The following EPM2A variants were observed in gnomAD, a reference collection of about 807,000 sequenced individuals.
EPM2A encodes the protein EPM2A glucan phosphatase, laforin.
Under a neutral mutation model 26.5 loss-of-function variants are expected in EPM2A, and 21 were observed. That is an observed-to-expected ratio of 0.79 (90% CI 0.56 to 1.14). The LOEUF is 1.14. Among genes scored for constraint, EPM2A ranks in the 50% most tolerant of loss-of-function variants. EPM2A has a pLI of 0.00. For missense variants in EPM2A, 458 were observed against 440.8 expected, an observed-to-expected ratio of 1.04 and a Z score of -0.35; for synonymous variants, 217 against 177.6, an observed-to-expected ratio of 1.22 and a Z score of -1.76.
intron 2 of EPM2A, among the ~76,000 whole-genome samples, chr6:145,528,785 G>T (rs920889170): frequency 6.6e-6 from 1 of 152,044 alleles, no homozygotes; most frequent in African/African-American, 2.4e-5. Context: ...ATCTCATAGA[G>T]CTATAGTTGC....
In EPM2A at chr6:145,645,584, G is replaced by C. The variant is rs192199217; in HGVS notation, c.477-10098C>G. ...CCTCGAAGGTCACTGGGATTACAGG[G>C]ATAAGCCACCATCCTGGCAAACTTT... On this transcript the variant is annotated intron_variant, in intron 2 of 3. Transcript: ENST00000367519. Among the ~76,000 whole-genome samples the C allele has an allele frequency of 6.7e-4, 102 of 152,012 alleles. 1 individual carries two copies. The highest frequency in any genetic ancestry group is 1.6e-4 in the Non-Finnish European group (11 of 67,970).
chr6:145,483,878 G>C (rs930616536), intron 4 of EPM2A, among the ~76,000 whole-genome samples: 2 of 152,126 alleles, frequency 1.3e-5, no homozygotes, highest in Non-Finnish European at 2.9e-5. Flanking sequence ...CTCACTGGAG[G>C]CTTGCCTCAC....
chr6:145,681,012 T>C (rs1378664221), intron 2 of EPM2A, among the ~76,000 whole-genome samples: 1 of 152,022 alleles, frequency 6.6e-6, no homozygotes, highest in Non-Finnish European at 1.5e-5. Context: ...CCACCAACAG[T>C]GTAAAAGTGT....
In EPM2A at chr6:145,625,886, C is replaced by T; in HGVS notation, c.*1530G>A. On this transcript the variant is annotated 3_prime_UTR_variant, in exon 4 of 4. Transcript: ENST00000367519. Reference sequence around the variant, plus strand: ...TGTGTTTGTGGAAGAAAGGAAGGTGCAGAAAAATAAATACGCATCATAGTT... The same window carrying T: ...TGTGTTTGTGGAAGAAAGGAAGGTGTAGAAAAATAAATACGCATCATAGTT... 1 of 1,475,738 alleles carries T rather than the reference C, an allele frequency of 6.8e-7. No homozygotes were observed. The highest frequency in any genetic ancestry group is 9.0e-7 in the Non-Finnish European group (1 of 1,112,168). 91.4% of individuals were successfully genotyped at this position (1,475,738 alleles called of 1,614,324 possible).
chr6:145,609,604 G>C (rs1775346325), intron 2 of EPM2A, among the ~76,000 whole-genome samples: 1 of 152,058 alleles, frequency 6.6e-6, no homozygotes, highest in African/African-American at 2.4e-5. Context: ...CATTCCATTT[G>C]ACTTCAGACA....
At chr6:145,423,391 A>G (rs375182323) in intron 4 of EPM2A, among the ~76,000 whole-genome samples, 11 of 152,174 alleles carry the variant, frequency 7.2e-5, no homozygotes, top group African/African-American at 2.7e-4. Context: ...CTTTCCACCC[A>G]GATGTGGTGG....
intron 2 of EPM2A, among the ~76,000 whole-genome samples, chr6:145,599,789 T>C (rs1316320588): frequency 6.6e-6 from 1 of 152,202 alleles, no homozygotes; most frequent in East Asian, 1.9e-4. Context: ...TAAATTTCTT[T>C]TTAATGGATC....
intron 3 of EPM2A, chr6:145,631,722 G>A (rs1038848013): frequency 2.6e-5 from 4 of 152,386 alleles, no homozygotes; most frequent in Admixed American, 2.6e-4. Context: ...GAGAGGTAGA[G>A]CATTTGGGCA....
intron 4 of EPM2A, among the ~76,000 whole-genome samples, chr6:145,396,952 C>T (rs1778413240): frequency 6.6e-6 from 1 of 152,180 alleles, no homozygotes; most frequent in Non-Finnish European, 1.5e-5. Context: ...CCTGGCCAAT[C>T]CCACAGCACT....
At position 145,649,586 on chromosome 6, in the gene EPM2A, G is replaced by C. The variant is rs111690206; in HGVS notation, c.477-14100C>G. Among the ~76,000 whole-genome samples, 1,204 of 152,204 alleles carry C rather than the reference G, an allele frequency of 7.9e-3. 5 individuals carry two copies. Among genetic ancestry groups the C allele is most frequent in the Non-Finnish European group, 0.01 (704 of 68,016 alleles). On this transcript the variant is annotated intron_variant, in intron 2 of 3. Transcript: ENST00000367519. The stretch of plus-strand genomic sequence containing the variant: ...ACAGCTCTCTATGGGAACATTCTTT[G>C]GGGAAACCTGGACCACATGACTGGT...
intron 4 of EPM2A, among the ~76,000 whole-genome samples, chr6:145,444,758 AC>A (rs1453314527): frequency 6.6e-6 from 1 of 152,150 alleles, no homozygotes; most frequent in Non-Finnish European, 1.5e-5. Context: ...ATGTCTCATA[AC>A]TTTTTGTTTA....
downstream of EPM2A, among the ~76,000 whole-genome samples, chr6:145,500,526 C>T (rs1020404914): frequency 6.6e-6 from 1 of 152,128 alleles, no homozygotes; most frequent in Non-Finnish European, 1.5e-5. Context: ...CCTGACAATC[C>T]CCCTCCTGAT....
chr6:145,413,992 G>C (rs1644679943), intron 4 of EPM2A, among the ~76,000 whole-genome samples: 1 of 152,146 alleles, frequency 6.6e-6, no homozygotes, highest in African/African-American at 2.4e-5. Flanking sequence ...TTGAGTGGGA[G>C]AGAGGGATGG....
chr6:145,687,414 T>C (rs1780998401), intron 1 of EPM2A, among the ~76,000 whole-genome samples: 1 of 152,080 alleles, frequency 6.6e-6, no homozygotes, highest in African/African-American at 2.4e-5. Context: ...TATATGGTGT[T>C]TTGTTTATAG....
chr6:145,533,363 ACTCTT>A (rs1780388699), intron 2 of EPM2A, among the ~76,000 whole-genome samples: 1 of 151,756 alleles, frequency 6.6e-6, no homozygotes, highest in East Asian at 1.9e-4. Flanking sequence ...GTTTTGCCCC[ACTCTT>A]CTCTAATCTC....
chr6:145,561,251 C>G (rs1430977675), intron 2 of EPM2A, among the ~76,000 whole-genome samples: 3 of 150,950 alleles, frequency 2.0e-5, no homozygotes, highest in Admixed American at 2.0e-4. Context: ...GGTTTGTAAC[C>G]GAGGAGCAAT....
intron 4 of EPM2A, chr6:145,489,753 T>C: frequency 6.9e-7 from 1 of 1,453,860 alleles, no homozygotes; most frequent in Non-Finnish European, 9.7e-7. Flanking sequence ...CTCAGCAGCA[T>C]CTGCTTGGCT....
intron 2 of EPM2A, chr6:145,637,319 G>A (rs1216272331): frequency 1.3e-5 from 2 of 151,758 alleles, no homozygotes; most frequent in Non-Finnish European, 2.9e-5. Flanking sequence ...TTTTCCTTTT[G>A]GTGGTGGTTG....
intron 2 of EPM2A, among the ~76,000 whole-genome samples, chr6:145,571,478 G>T (rs1230523576): frequency 3.9e-5 from 6 of 152,194 alleles, no homozygotes; most frequent in Non-Finnish European, 7.3e-5. Flanking sequence ...TGAGTCCATG[G>T]ATGGTAGTCT....
Sources: allele counts gnomAD v4.1 joint callset (sites outside exome capture counted in the v4.1 genomes callset), GRCh38; gene constraint gnomAD v4.1.1; transcripts MANE v1.5; gene names NCBI Gene and HGNC (gene_info 2026-07-23, HGNC 2026-07-21).